Variants in DPYD observed in about 807,000 individuals in gnomAD.
DPYD encodes the protein dihydropyrimidine dehydrogenase [NADP(+)].
In DPYD, 109 loss-of-function variants were observed where a neutral mutation model predicts 116.2. The ratio of observed to expected loss-of-function variants is 0.94; its 90% confidence interval spans 0.80 to 1.10. The LOEUF is 1.10. DPYD is among the 50% of genes least tolerant of loss of function. DPYD has a pLI of 0.00. For synonymous variants in DPYD, 440 were observed against 432.0 expected (o/e 1.02, Z -0.23); for missense variants, 1,302 against 1,254.5 (o/e 1.04, Z -0.57).
intron 18 of DPYD, among the ~76,000 whole-genome samples, chr1:97,238,753 G>T (rs187934352): frequency 7.5e-4 from 114 of 152,196 alleles, no homozygotes; most frequent in Non-Finnish European, 1.4e-3. Flanking sequence ...TGTGTATGCG[G>T]GCTCTATCTT....
intron 16 of DPYD, among the ~76,000 whole-genome samples, chr1:97,364,391 T>C (rs1212733103): frequency 6.6e-6 from 1 of 151,846 alleles, no homozygotes; most frequent in Non-Finnish European, 1.5e-5. Context: ...TAGCAACAAA[T>C]AGGGAGAAAG....
At chr1:97,195,590 ATATATG>A (rs1399870906) in intron 19 of DPYD, among the ~76,000 whole-genome samples, 5,551 of 59,018 alleles carry the variant, frequency 0.094, 635 homozygotes, top group African/African-American at 0.15. Flanking sequence ...ATATATATAT[ATATATG>A]TGTGTGTGTG....
rs189239155 is a variant in DPYD at position 97,649,011 on chromosome 1, T to C, written c.850+30084A>G. Among the ~76,000 whole-genome samples the C allele has an allele frequency of 5.3e-5, 8 of 152,188 alleles. No homozygotes were observed. In the South Asian group the frequency reaches 6.2e-4, roughly 12 times the overall value. ...TCTTAATTTTGTTTTACATATGTTA[T>C]ATCTACATAATTAGTAAGAAGAACA... On this transcript the variant is annotated intron_variant, in intron 8 of 22. Coordinates refer to ENST00000370192, the MANE Select transcript of DPYD (RefSeq NM_000110.4).
At chr1:97,303,815 C>G (rs1293143776) in intron 18 of DPYD, among the ~76,000 whole-genome samples, 1 of 151,734 alleles carries the variant, frequency 6.6e-6, no homozygotes, top group East Asian at 1.9e-4. Flanking sequence ...GCTTATAGCC[C>G]AAGTGAATAT....
chr1:97,153,973 CAAAAA>C (rs60741755), intron 20 of DPYD, among the ~76,000 whole-genome samples: 1 of 126,220 alleles, frequency 7.9e-6, no homozygotes, highest in African/African-American at 2.8e-5. Flanking sequence ...TGGCCATGAT[CAAAAA>C]AAAAAAAAAA....
At chr1:97,215,967 C>T (rs973640066) in intron 19 of DPYD, among the ~76,000 whole-genome samples, 1 of 152,148 alleles carries the variant, frequency 6.6e-6, no homozygotes, top group African/African-American at 2.4e-5. Context: ...AATTAATGTT[C>T]TCCTGGTAAT....
chr1:97,239,037 C>G (rs529731928), intron 18 of DPYD, among the ~76,000 whole-genome samples: 1 of 152,234 alleles, frequency 6.6e-6, no homozygotes, highest in South Asian at 2.1e-4. Flanking sequence ...ACATTGCTAC[C>G]AAGAACTTTG....
intron 14 of DPYD, among the ~76,000 whole-genome samples, chr1:97,383,767 T>C (rs190364230): frequency 3.3e-5 from 5 of 152,224 alleles, no homozygotes; most frequent in African/African-American, 4.8e-5. Context: ...CCAAAGCACA[T>C]ACTTGATACA....
intron 3 of DPYD, among the ~76,000 whole-genome samples, chr1:97,792,098 G>A (rs1156937334): frequency 6.6e-6 from 1 of 152,102 alleles, no homozygotes; most frequent in African/African-American, 2.4e-5. Flanking sequence ...TAGTCATAAT[G>A]CAGTACCGAG....
intron 14 of DPYD, among the ~76,000 whole-genome samples, chr1:97,436,076 G>A (rs970558748): frequency 6.6e-6 from 1 of 151,860 alleles, no homozygotes; most frequent in Non-Finnish European, 1.5e-5. Context: ...CATTTTAAAG[G>A]CTTGAGGGGA....
At chr1:97,630,957 A>C (rs184909091) in intron 8 of DPYD, among the ~76,000 whole-genome samples, 1 of 152,240 alleles carries the variant, frequency 6.6e-6, no homozygotes, top group Admixed American at 6.5e-5. Flanking sequence ...AAGGATACTA[A>C]TACTCCTTTG....
At chr1:97,652,339 A>G (rs1658635150) in intron 8 of DPYD, among the ~76,000 whole-genome samples, 1 of 152,218 alleles carries the variant, frequency 6.6e-6, no homozygotes, top group African/African-American at 2.4e-5. Flanking sequence ...TGACCTGATA[A>G]TGAATTCATA....
chr1:97,158,512 C>G (rs1655659138), intron 20 of DPYD, among the ~76,000 whole-genome samples: 2 of 150,830 alleles, frequency 1.3e-5, no homozygotes, highest in Non-Finnish European at 3.0e-5. Context: ...CACACACACA[C>G]ACACACACAC....
At chr1:97,325,274 A>T (rs1668654583) in intron 16 of DPYD, among the ~76,000 whole-genome samples, 2 of 152,020 alleles carry the variant, frequency 1.3e-5, no homozygotes, top group South Asian at 4.1e-4. Context: ...ACCTAATTAG[A>T]TTTTTACATC....
chr1:97,893,088 T>C (rs1038131503), intron 1 of DPYD, among the ~76,000 whole-genome samples: 8 of 151,752 alleles, frequency 5.3e-5, no homozygotes, highest in African/African-American at 1.2e-4. Context: ...ATGTATGTAA[T>C]AGAACTAGGT....
At chr1:97,675,959 G>A (rs1249376956) in intron 8 of DPYD, among the ~76,000 whole-genome samples, 1 of 152,012 alleles carries the variant, frequency 6.6e-6, no homozygotes, top group African/African-American at 2.4e-5. Context: ...ATGTTGGCCA[G>A]GATGGTCTCG....
Position 97,377,269 on chromosome 1 carries a change from T to C in DPYD, c.1975-3625A>G, listed in dbSNP as rs191316497. ...GTTTTAAGTAAACAGAAAAGAAAAA[T>C]AAGAGCTTTAACATATATAAGAGTT... On this transcript the variant is annotated intron_variant, in intron 15 of 22. Transcript: ENST00000370192. Among the ~76,000 whole-genome samples, 1,092 of 151,776 alleles carry C rather than the reference T, an allele frequency of 7.2e-3. 7 individuals are homozygous for C. Among genetic ancestry groups the C allele is most frequent in the Middle Eastern group, 0.017 (5 of 294 alleles).
intron 4 of DPYD, among the ~76,000 whole-genome samples, chr1:97,733,234 T>C (rs1482686345): frequency 6.6e-6 from 1 of 152,116 alleles, no homozygotes; most frequent in East Asian, 1.9e-4. Flanking sequence ...CATGTGCTAT[T>C]GTGAAACCTC....
At chr1:97,451,092 A>G (rs1041761688) in intron 13 of DPYD, among the ~76,000 whole-genome samples, 1 of 152,132 alleles carries the variant, frequency 6.6e-6, no homozygotes, top group Admixed American at 6.6e-5. Context: ...CCATCTTGTC[A>G]CTTTTAGTAA....
Sources: allele counts gnomAD v4.1 joint callset (sites outside exome capture counted in the v4.1 genomes callset), GRCh38; gene constraint gnomAD v4.1.1; transcripts MANE v1.5; gene names NCBI Gene and HGNC (gene_info 2026-07-23, HGNC 2026-07-21).